MAN1A2: variants seen among roughly 807,000 people sequenced by gnomAD.
The protein encoded by MAN1A2 is mannosyl-oligosaccharide 1,2-alpha-mannosidase IB.
In MAN1A2, 26 loss-of-function variants were observed where a neutral mutation model predicts 75.7. The observed-to-expected ratio is 0.34, with a 90% CI of 0.25 to 0.48. The LOEUF (loss-of-function observed/expected upper bound fraction) is 0.48. Among genes scored for constraint, MAN1A2 ranks in the 20% least tolerant of loss-of-function variants. The pLI is 0.99. For synonymous variants in MAN1A2, 247 were observed against 264.6 expected (o/e 0.93, Z 0.65); for missense variants, 562 against 775.5 (o/e 0.72, Z 3.27).
intron 1 of MAN1A2, among the ~76,000 whole-genome samples, chr1:117,372,533 A>G (rs1652996490): frequency 6.6e-6 from 1 of 152,202 alleles, no homozygotes; most frequent in Non-Finnish European, 1.5e-5. Context: ...TAGTTCATAA[A>G]TAATCCAGAA....
intron 8 of MAN1A2, among the ~76,000 whole-genome samples, chr1:117,474,553 T>TA (rs1650258808): frequency 6.6e-6 from 1 of 151,930 alleles, no homozygotes; most frequent in Non-Finnish European, 1.5e-5. Flanking sequence ...AGTATTTATA[T>TA]AGATTTAAAA....
intron 3 of MAN1A2, among the ~76,000 whole-genome samples, chr1:117,413,960 A>G (rs143689988): frequency 3.0e-4 from 46 of 151,948 alleles, no homozygotes; most frequent in African/African-American, 1.0e-3. Context: ...TTCTTCTCTT[A>G]AGTTTTCATT....
intron 5 of MAN1A2, among the ~76,000 whole-genome samples, chr1:117,432,246 A>G (rs949563846): frequency 2.6e-5 from 4 of 152,226 alleles, no homozygotes; most frequent in African/African-American, 7.2e-5. Context: ...CAGATTCCAC[A>G]TACATTAAAT....
At chr1:117,375,384 A>G (rs1004620692) in intron 1 of MAN1A2, among the ~76,000 whole-genome samples, 4 of 152,194 alleles carry the variant, frequency 2.6e-5, no homozygotes, top group South Asian at 2.1e-4. Context: ...CCTGTTCTCC[A>G]TATCTTAAGA....
chr1:117,499,281 A>G (rs1651129401), intron 10 of MAN1A2, 101 bp from the exon 11 acceptor site: 2 of 847,900 alleles, frequency 2.4e-6, no homozygotes, highest in Non-Finnish European at 3.4e-6. Context: ...AATAAACAAC[A>G]AAAATTACTT....
chr1:117,491,954 A>G (rs186052680), intron 8 of MAN1A2, among the ~76,000 whole-genome samples: 9 of 152,222 alleles, frequency 5.9e-5, no homozygotes, highest in African/African-American at 1.9e-4. Context: ...TAAGACTTGA[A>G]TGGATGAGGA....
At position 117,523,242 on chromosome 1, in the gene MAN1A2, G is replaced by A. The variant is rs533509401; in HGVS notation, c.*285G>A. ...AAATGATACCTGTTACTACTGTATT[G>A]TTTTTAGAGTCCTGAAGTCTGGAGG... On this transcript the variant is annotated 3_prime_UTR_variant, in exon 13 of 13. Transcript: ENST00000356554. 3.7e-6 allele frequency: 2 copies of A among 543,438 alleles called. No homozygotes were observed. The highest frequency in any genetic ancestry group is 2.2e-5 in the Admixed American group (1 of 44,648). The allele number at this position is 543,438 out of a possible 1,614,324, so 33.7% of individuals were successfully genotyped here.
At chr1:117,511,936 A>T (rs1651548966) in intron 12 of MAN1A2, among the ~76,000 whole-genome samples, 1 of 152,104 alleles carries the variant, frequency 6.6e-6, no homozygotes, top group African/African-American at 2.4e-5. Flanking sequence ...CCACTCATAT[A>T]CTATGTATTT....
intron 12 of MAN1A2, among the ~76,000 whole-genome samples, chr1:117,511,907 C>T (rs760561389): frequency 1.5e-4 from 23 of 152,092 alleles, no homozygotes; most frequent in East Asian, 1.2e-3. Flanking sequence ...TTGTTTTATC[C>T]GCAGTATCTA....
rs559342932 is a variant in MAN1A2 at position 117,441,517 on chromosome 1, C to T, written c.856-714C>T. ...CAGTCACAGTTTGGAATCTGTAAGT[C>T]AGTGGTCTCTAAAGTTACGTACACA... On this transcript the variant is annotated intron_variant, in intron 5 of 12. Transcript: ENST00000356554. Among the ~76,000 whole-genome samples, 7 of 152,190 alleles carry T rather than the reference C, an allele frequency of 4.6e-5. No homozygotes were observed. In the South Asian group the frequency reaches 1.5e-3, roughly 32 times the overall value.
intron 8 of MAN1A2, among the ~76,000 whole-genome samples, chr1:117,481,588 T>C (rs569695106): frequency 5.9e-5 from 9 of 152,086 alleles, no homozygotes; most frequent in South Asian, 2.1e-4. Flanking sequence ...GCTTTGCTTA[T>C]CTTATCTGGG....
rs117617110 is a variant in MAN1A2, at chr1:117,515,042, A to G, written c.1794-7783A>G. 2.1e-3 allele frequency: 687 copies of G among 329,642 alleles called. 8 individuals carry two copies. Among genetic ancestry groups the G allele is most frequent in the African/African-American group, 0.014 (632 of 46,750 alleles). 20.4% of individuals were successfully genotyped at this position (329,642 alleles called of 1,614,324 possible). A position where few individuals can be genotyped will look rare whatever the true frequency, so the allele number is the denominator to read the frequency against. On this transcript the variant is annotated intron_variant, in intron 12 of 12. Coordinates refer to ENST00000356554, the MANE Select transcript of MAN1A2 (RefSeq NM_006699.5). ...TATGAAATGTATACTCTACCCATAA[A>G]TAGCTTGGAGTCTGGTTTAGAAATC...
chr1:117,450,145 C>T (rs1033841557), intron 6 of MAN1A2, among the ~76,000 whole-genome samples: 9 of 152,066 alleles, frequency 5.9e-5, no homozygotes, highest in African/African-American at 1.9e-4. Flanking sequence ...ATGCTGATAG[C>T]GATATAGACA....
At chr1:117,462,870 AC>A (rs1279357851) in intron 7 of MAN1A2, among the ~76,000 whole-genome samples, 1 of 152,124 alleles carries the variant, frequency 6.6e-6, no homozygotes, top group Non-Finnish European at 1.5e-5. Context: ...ACTCAAGACT[AC>A]AGATACATCT....
intron 6 of MAN1A2, among the ~76,000 whole-genome samples, chr1:117,454,165 T>C (rs1649507778): frequency 6.6e-6 from 1 of 152,230 alleles, no homozygotes; most frequent in Non-Finnish European, 1.5e-5. Context: ...ACTCATTTTG[T>C]TGCAATATTT....
chr1:117,480,169 A>G (rs536705231), intron 8 of MAN1A2, among the ~76,000 whole-genome samples: 2 of 151,900 alleles, frequency 1.3e-5, no homozygotes, highest in Non-Finnish European at 2.9e-5. Flanking sequence ...TACTCAAGGG[A>G]GATCCTTTGC....
In MAN1A2 at chr1:117,519,525, G is replaced by T. The variant is rs139681805; in HGVS notation, c.1794-3300G>T. 7.3e-3 allele frequency among the ~76,000 whole-genome samples: 1,117 copies of T among 151,988 alleles called. 18 individuals carry two copies. Among genetic ancestry groups the T allele is most frequent in the African/African-American group, 0.026 (1,069 of 41,478 alleles). On this transcript the variant is annotated intron_variant, in intron 12 of 12. Coordinates refer to ENST00000356554, the MANE Select transcript of MAN1A2 (RefSeq NM_006699.5). ...CAGCTGACACCACTGAAATACAAAA[G>T]ATCATTCAAGGCTACTGTGAACACC...
intron 5 of MAN1A2, among the ~76,000 whole-genome samples, chr1:117,429,634 C>T (rs1648524547): frequency 9.0e-6 from 1 of 111,638 alleles, no homozygotes; most frequent in African/African-American, 3.5e-5. Flanking sequence ...AGAGGGGCTC[C>T]TCACTTCCCA....
intron 4 of MAN1A2, among the ~76,000 whole-genome samples, chr1:117,417,557 A>ATATATATATATG (rs1214425551): frequency 7.1e-6 from 1 of 140,746 alleles, no homozygotes; most frequent in African/African-American, 2.6e-5. Context: ...ATATATATAT[A>ATATATATATATG]TGTGATATAT....
Sources: gnomAD v4.1 joint callset for allele counts (sites outside exome capture counted in the v4.1 genomes callset) on GRCh38, gnomAD v4.1.1 for gene constraint, MANE v1.5 for transcripts, NCBI Gene and HGNC (gene_info 2026-07-23, HGNC 2026-07-21) for gene names.